The following RPGRIP1L variants were observed in gnomAD, a reference collection of about 807,000 sequenced individuals.
The protein encoded by RPGRIP1L is protein fantom.
A neutral mutation model predicts 160.4 loss-of-function variants in RPGRIP1L; 131 were observed. The ratio of observed to expected loss-of-function variants is 0.82; its 90% CI spans 0.71 to 0.94. The LOEUF is 0.94. Among genes scored for constraint, RPGRIP1L ranks in the 40% least tolerant of loss-of-function variants. The pLI is 0.00. For missense variants in RPGRIP1L, 1,522 were observed against 1,535.8 expected, an observed-to-expected ratio of 0.99 and a Z score of 0.15; for synonymous variants, 510 against 515.8, an observed-to-expected ratio of 0.99 and a Z score of 0.15.
chr16:53,648,414 CAGT>C (rs1327148602), intron 16 of RPGRIP1L, among the ~76,000 whole-genome samples: 7 of 152,064 alleles, frequency 4.6e-5, no homozygotes, highest in African/African-American at 1.4e-4. Flanking sequence ...ATTTCCTTAA[CAGT>C]AGAAATTTTT....
chr16:53,690,141 G>C (rs539025329), intron 4 of RPGRIP1L, among the ~76,000 whole-genome samples: 1 of 152,106 alleles, frequency 6.6e-6, no homozygotes, highest in African/African-American at 2.4e-5. Context: ...CTTTTTTTGT[G>C]TTAAATGATC....
intron 6 of RPGRIP1L, among the ~76,000 whole-genome samples, chr16:53,675,385 T>C (rs1360916924): frequency 6.6e-6 from 1 of 152,156 alleles, no homozygotes; most frequent in Non-Finnish European, 1.5e-5. Context: ...CTATGTCACC[T>C]CTACAATTGA....
rs768108215 is a variant in RPGRIP1L at position 53,653,032 on chromosome 16, T to A, written c.1700-45A>T. 12 of 1,515,886 alleles carry A rather than the reference T, an allele frequency of 7.9e-6. No individual in the cohort carries two copies. In the South Asian group the frequency reaches 1.1e-4, roughly 14 times the overall value. 93.9% of individuals were successfully genotyped at this position (1,515,886 alleles called of 1,614,324 possible). A position where few individuals can be genotyped will look rare whatever the true frequency, so the allele number is the denominator to read the frequency against. On this transcript the variant is annotated intron_variant, in intron 14 of 26. Transcript: ENST00000647211. Reference sequence around the variant, plus strand: ...GTTTAGAGATTTCAAAATATTGACATGAGAAAATGAAAACTGGCTTTTGAA... The same window carrying A: ...GTTTAGAGATTTCAAAATATTGACAAGAGAAAATGAAAACTGGCTTTTGAA...
chr16:53,607,338 C>T (rs1254350229), intron 25 of RPGRIP1L, among the ~76,000 whole-genome samples: 2 of 152,052 alleles, frequency 1.3e-5, no homozygotes, highest in African/African-American at 4.8e-5. Flanking sequence ...TTCTACATTT[C>T]TAAGGGGAGA....
rs373201651 is a variant in RPGRIP1L at position 53,649,095 on chromosome 16, T to C, written c.2173A>G (p.Asn725Asp). Residue 725 changes from asparagine to aspartate, a missense_variant, in exon 16 of 27, where the codon AAT becomes GAT. Transcript: ENST00000647211. Reference sequence around the variant, plus strand: ...AACCAGTATTCCACTGTGCCAAAATTTGGGATGTCTCCTTTTGTTCCTACA... The same window carrying C: ...AACCAGTATTCCACTGTGCCAAAATCTGGGATGTCTCCTTTTGTTCCTACA... ...SLIGTKGDIP[N>D]FGTVEYWFRL... 1.2e-4 allele frequency: 195 copies of C among 1,613,944 alleles called. No individual in the cohort carries two copies. The highest frequency in any genetic ancestry group is 1.6e-4 in the Non-Finnish European group (183 of 1,179,978).
intron 4 of RPGRIP1L, among the ~76,000 whole-genome samples, chr16:53,690,654 T>C (rs1297534583): frequency 1.3e-5 from 2 of 152,188 alleles, no homozygotes; most frequent in African/African-American, 4.8e-5. Context: ...ATAAAAGATC[T>C]TGCAGACTTT....
At chr16:53,622,545 T>G (rs1024471593) in intron 22 of RPGRIP1L, among the ~76,000 whole-genome samples, 189 bp from the exon 23 acceptor site, 1 of 151,914 alleles carries the variant, frequency 6.6e-6, no homozygotes, top group Non-Finnish European at 1.5e-5. Flanking sequence ...CCAGAAGACA[T>G]AGCAGCATCC....
intron 25 of RPGRIP1L, among the ~76,000 whole-genome samples, chr16:53,607,568 C>T (rs1331980780): frequency 6.6e-6 from 1 of 152,128 alleles, no homozygotes; most frequent in African/African-American, 2.4e-5. Flanking sequence ...ACAGAAAAGA[C>T]TGAGGCTATG....
At chr16:53,700,827 T>G in intron 1 of RPGRIP1L, 97 bp from the exon 2 acceptor site, 2 of 854,778 alleles carry the variant, frequency 2.3e-6, no homozygotes, top group Admixed American at 4.0e-5. Flanking sequence ...GACTAGAACT[T>G]TAATGGGCAT....
intron 2 of RPGRIP1L, among the ~76,000 whole-genome samples, chr16:53,697,931 G>T (rs575119375): frequency 1.3e-5 from 2 of 149,030 alleles, no homozygotes; most frequent in Non-Finnish European, 3.0e-5. Context: ...GCCTCTTCCC[G>T]GCCGCCATCC....
At chr16:53,618,778 C>A (rs762900003) in intron 24 of RPGRIP1L, among the ~76,000 whole-genome samples, 1 of 152,024 alleles carries the variant, frequency 6.6e-6, no homozygotes, top group South Asian at 2.1e-4. Context: ...AACTCCAGAG[C>A]TCAAGCGATC....
At chr16:53,613,423 C>T (rs1194517049) in intron 24 of RPGRIP1L, among the ~76,000 whole-genome samples, 1 of 151,980 alleles carries the variant, frequency 6.6e-6, no homozygotes, top group East Asian at 1.9e-4. Flanking sequence ...GATCCTCCCA[C>T]CTTAGCCCTT....
At chr16:53,637,939 A>G (rs117104558) in intron 20 of RPGRIP1L, 85 bp from the exon 21 acceptor site, 1 of 1,394,614 alleles carries the variant, frequency 7.2e-7, no homozygotes, top group Non-Finnish European at 1.0e-6. Flanking sequence ...TGAATAATAA[A>G]GCATGTAAAT....
intron 7 of RPGRIP1L, among the ~76,000 whole-genome samples, chr16:53,673,543 T>C (rs1968917646): frequency 6.6e-6 from 1 of 152,146 alleles, no homozygotes; most frequent in Non-Finnish European, 1.5e-5. Flanking sequence ...AAATGGTCTA[T>C]TTATGACCAT....
rs537744617 is a variant in RPGRIP1L, at chr16:53,691,440, CAA to C, written c.529+624_529+625del. Among the ~76,000 whole-genome samples, 6 of 152,140 alleles carry C rather than the reference CAA, an allele frequency of 3.9e-5. No homozygotes were observed. In the East Asian group the frequency reaches 1.2e-3, roughly 29 times the overall value. On this transcript the variant is annotated intron_variant, in intron 4 of 26. Coordinates refer to ENST00000647211, the MANE Select transcript of RPGRIP1L (RefSeq NM_015272.5). ...TTAGGTTATTAATTTTTAAAGTGAA[CAA>C]AGTGATTGGCCTATGATCATTTTTA...
At chr16:53,662,352 C>G (rs1476246458) in intron 10 of RPGRIP1L, among the ~76,000 whole-genome samples, 4 of 152,128 alleles carry the variant, frequency 2.6e-5, no homozygotes, top group African/African-American at 9.7e-5. Flanking sequence ...TAAGCATTAA[C>G]CAAATGCAAA....
At chr16:53,662,218 C>T (rs1030742062) in intron 10 of RPGRIP1L, among the ~76,000 whole-genome samples, 3 of 152,072 alleles carry the variant, frequency 2.0e-5, no homozygotes, top group Admixed American at 6.6e-5. Flanking sequence ...ATTTTCAGAG[C>T]GCCTTTGTGC....
At chr16:53,666,728 C>CT (rs1418298946) in intron 9 of RPGRIP1L, among the ~76,000 whole-genome samples, 1 of 151,886 alleles carries the variant, frequency 6.6e-6, no homozygotes, top group Non-Finnish European at 1.5e-5. Context: ...AAATTAGAAA[C>CT]AGTAGTGTTC....
intron 3 of RPGRIP1L, 51 bp downstream of exon 3, chr16:53,696,100 C>A (rs1476086859): frequency 6.4e-7 from 1 of 1,571,456 alleles, no homozygotes; most frequent in Non-Finnish European, 8.7e-7. Context: ...ATACCATACC[C>A]TCCAAATTTT....
Sources: allele counts gnomAD v4.1 joint callset (sites outside exome capture counted in the v4.1 genomes callset), GRCh38; gene constraint gnomAD v4.1.1; transcripts MANE v1.5; gene names NCBI Gene and HGNC (gene_info 2026-07-23, HGNC 2026-07-21).